The following SOX5 variants were observed in gnomAD, a reference collection of about 807,000 sequenced individuals.
The protein encoded by SOX5 is transcription factor SOX-5.
A neutral mutation model predicts 92.0 loss-of-function variants in SOX5; 9 were observed. The observed-to-expected ratio is 0.10, with a 90% CI of 0.06 to 0.17. The LOEUF (loss-of-function observed/expected upper bound fraction) is 0.17. Among genes scored for constraint, SOX5 ranks in the 10% least tolerant of loss-of-function variants. The pLI is 1.00. For missense variants in SOX5, 642 were observed against 944.5 expected (o/e 0.68, Z 4.20); for synonymous variants, 344 against 336.3 (o/e 1.02, Z -0.25).
At chr12:24,516,937 C>T (rs1266309269) in intron 1 of SOX5, among the ~76,000 whole-genome samples, 2 of 152,092 alleles carry the variant, frequency 1.3e-5, no homozygotes, top group African/African-American at 2.4e-5. Context: ...TGTTCCAATG[C>T]TTTAACTCCT....
chr12:24,434,829 T>C (rs1939090444), intron 1 of SOX5, among the ~76,000 whole-genome samples: 1 of 152,232 alleles, frequency 6.6e-6, no homozygotes, highest in Non-Finnish European at 1.5e-5. Flanking sequence ...CTGTCCAGCC[T>C]GCAGAACCGT....
At chr12:24,092,725 C>A (rs537586334) in intron 4 of SOX5, among the ~76,000 whole-genome samples, 1 of 152,176 alleles carries the variant, frequency 6.6e-6, no homozygotes, top group Non-Finnish European at 1.5e-5. Context: ...GTAATATGGA[C>A]AAAAATGTCC....
intron 1 of SOX5, among the ~76,000 whole-genome samples, chr12:24,482,639 G>A (rs1050938151): frequency 6.6e-6 from 1 of 152,006 alleles, no homozygotes; most frequent in African/African-American, 2.4e-5. Flanking sequence ...CCAAAAAGTT[G>A]TTGTTTCAAA....
intron 2 of SOX5, among the ~76,000 whole-genome samples, chr12:23,872,814 A>T (rs2096889303): frequency 6.6e-6 from 1 of 152,196 alleles, no homozygotes; most frequent in Admixed American, 6.5e-5. Context: ...CATATGGAGA[A>T]CTACGCAAGA....
intron 2 of SOX5, among the ~76,000 whole-genome samples, chr12:23,864,245 T>C (rs553006961): frequency 1.2e-3 from 187 of 152,272 alleles, no homozygotes; most frequent in Non-Finnish European, 2.1e-3. Context: ...ACTACACCAT[T>C]GACTGCTATT....
chr12:23,757,422 A>T (rs2094426864), intron 3 of SOX5, among the ~76,000 whole-genome samples: 1 of 152,016 alleles, frequency 6.6e-6, no homozygotes. Context: ...TTCATATTAT[A>T]ACCAGCATTT....
intron 4 of SOX5, among the ~76,000 whole-genome samples, chr12:23,988,559 G>T (rs890063766): frequency 6.6e-6 from 1 of 152,146 alleles, no homozygotes; most frequent in Non-Finnish European, 1.5e-5. Context: ...ATACGAAGGG[G>T]CCAATTAAGG....
In SOX5 at chr12:23,765,385, C is replaced by CAAAAAAAAAAAAAAAAAAAAAAA. The variant is rs373571301; in HGVS notation, c.482-9684_482-9662dup. On this transcript the variant is annotated intron_variant, in intron 3 of 14. Coordinates refer to ENST00000451604, the MANE Select transcript of SOX5 (RefSeq NM_006940.6). ...CTGTGAAGTCAAAAGTGTAAAACAG[C>CAAAAAAAAAAAAAAAAAAAAAAA]AAAAAAAAAAAAAAAAAAAAAAAAA... 6.4e-5 allele frequency among the ~76,000 whole-genome samples: 2 copies of CAAAAAAAAAAAAAAAAAAAAAAA among 31,430 alleles called. 1 individual carries two copies. The highest frequency in any genetic ancestry group is 2.9e-4 in the African/African-American group (2 of 6,804). The allele number at this position is 31,430 out of a possible 152,430, so 20.6% of individuals were successfully genotyped here. A position where few individuals can be genotyped will look rare whatever the true frequency, so the allele number is the denominator to read the frequency against.
intron 4 of SOX5, among the ~76,000 whole-genome samples, chr12:24,190,332 C>A (rs1351527167): frequency 1.3e-5 from 2 of 152,168 alleles, no homozygotes; most frequent in African/African-American, 4.8e-5. Flanking sequence ...GAGGGATTAT[C>A]TAAACTCTGT....
At position 23,846,173 on chromosome 12, in the gene SOX5, A is replaced by G; in HGVS notation, c.291T>C (p.Val97=). 2 of 1,613,900 alleles carry G rather than the reference A, an allele frequency of 1.2e-6. No individual in the cohort carries two copies. Among genetic ancestry groups the G allele is most frequent in the South Asian group, 2.2e-5 (2 of 91,076 alleles). Residue 97 remains valine (V), a synonymous_variant, in exon 3 of 15, where the codon GTT becomes GTC. Coordinates refer to ENST00000451604, the MANE Select transcript of SOX5 (RefSeq NM_006940.6). ...AGTTGTGTGGGGCAAATGAAGACATAACTTTATTGCCATCAACTTCCTGAA... is the reference window on the plus strand; with the variant it reads ...AGTTGTGTGGGGCAAATGAAGACATGACTTTATTGCCATCAACTTCCTGAA... The part of the protein sequence containing the change: ...HNTMEVDGNK[V]MSSFAPHNSS...
chr12:23,806,107 C>T (rs1192561800), intron 3 of SOX5, among the ~76,000 whole-genome samples: 1 of 152,174 alleles, frequency 6.6e-6, no homozygotes, highest in African/African-American at 2.4e-5. Context: ...AATTCTCTTT[C>T]TGCTTTAACT....
intron 4 of SOX5, among the ~76,000 whole-genome samples, chr12:23,971,706 C>A (rs918785450): frequency 2.0e-5 from 3 of 151,620 alleles, no homozygotes; most frequent in African/African-American, 7.3e-5. Context: ...TTTAATAATT[C>A]TCTTATTCTG....
At chr12:24,199,528 A>G (rs576643449) in intron 4 of SOX5, among the ~76,000 whole-genome samples, 1 of 152,312 alleles carries the variant, frequency 6.6e-6, no homozygotes, top group East Asian at 1.9e-4. Context: ...TGTTTGGTAA[A>G]TCAGGGGGAG....
At chr12:24,204,366 T>C (rs1045175295) in intron 4 of SOX5, among the ~76,000 whole-genome samples, 3 of 151,846 alleles carry the variant, frequency 2.0e-5, no homozygotes, top group Admixed American at 6.6e-5. Context: ...TTCCACTCTG[T>C]CGCCCAGGCT....
At chr12:24,512,056 A>G (rs1949371779) in intron 1 of SOX5, among the ~76,000 whole-genome samples, 1 of 152,218 alleles carries the variant, frequency 6.6e-6, no homozygotes, top group Non-Finnish European at 1.5e-5. Context: ...ACAATGAAGT[A>G]CCACTATTTA....
At chr12:23,807,809 G>A (rs758308747) in intron 3 of SOX5, among the ~76,000 whole-genome samples, 1 of 151,676 alleles carries the variant, frequency 6.6e-6, no homozygotes, top group Admixed American at 6.6e-5. Flanking sequence ...CACCATGCCC[G>A]GCTAATTTTT....
intron 3 of SOX5, among the ~76,000 whole-genome samples, chr12:24,216,452 A>C (rs966259666): frequency 9.2e-5 from 14 of 151,918 alleles, no homozygotes; most frequent in African/African-American, 3.4e-4. Flanking sequence ...CCACCGCACT[A>C]CAGCCTGGGT....
At chr12:24,431,465 A>G (rs1314114487) in intron 1 of SOX5, among the ~76,000 whole-genome samples, 1 of 152,224 alleles carries the variant, frequency 6.6e-6, no homozygotes, top group African/African-American at 2.4e-5. Flanking sequence ...ACATATGCCT[A>G]TACCCAAGAT....
At chr12:23,589,302 G>A (rs1223801955) in intron 9 of SOX5, among the ~76,000 whole-genome samples, 2 of 151,682 alleles carry the variant, frequency 1.3e-5, no homozygotes, top group Non-Finnish European at 2.9e-5. Flanking sequence ...AACAAAACTG[G>A]ACAATATTTG....
Sources: gnomAD v4.1 joint callset for allele counts (sites outside exome capture counted in the v4.1 genomes callset) on GRCh38, gnomAD v4.1.1 for gene constraint, MANE v1.5 for transcripts, NCBI Gene and HGNC (gene_info 2026-07-23, HGNC 2026-07-21) for gene names.